The following LSAMP variants were observed in gnomAD, a reference collection of about 807,000 sequenced individuals.
LSAMP encodes limbic system associated membrane protein.
Under a neutral mutation model 38.6 loss-of-function variants are expected in LSAMP, and 7 were observed. The observed-to-expected ratio is 0.18, with a 90% CI of 0.10 to 0.34. LSAMP has a LOEUF of 0.34. Ranked by LOEUF, LSAMP falls within the 10% of genes least tolerant of loss-of-function variation. The pLI is 1.00. For synonymous variants in LSAMP, 154 were observed against 166.8 expected, an observed-to-expected ratio of 0.92 and a Z score of 0.59; for missense variants, 313 against 420.0, an observed-to-expected ratio of 0.75 and a Z score of 2.23.
chr3:115,938,524 C>T (rs561242134), intron 3 of LSAMP, among the ~76,000 whole-genome samples: 16 of 152,162 alleles, frequency 1.1e-4, no homozygotes, highest in African/African-American at 2.4e-4. Context: ...ACTATGTTTA[C>T]GACCTTATAA....
intron 2 of LSAMP, among the ~76,000 whole-genome samples, chr3:116,049,251 C>T (rs1385341289): frequency 1.3e-5 from 2 of 152,116 alleles, no homozygotes; most frequent in Non-Finnish European, 2.9e-5. Flanking sequence ...AGTTTTTGGC[C>T]ACATAAGTGG....
Position 116,106,127 on chromosome 3 carries a change from G to T in LSAMP, c.156-19571C>A, listed in dbSNP as rs571268662. Among the ~76,000 whole-genome samples the T allele has an allele frequency of 2.0e-5, 3 of 152,274 alleles. No individual in the cohort carries two copies. In the East Asian group the frequency reaches 5.8e-4, roughly 29 times the overall value. ...GTATAAAAGGTCTAAGAATTGGGAC[G>T]ACTCAGGATATCTGATTAGAGAGTG... On this transcript the variant is annotated intron_variant, in intron 1 of 6. Coordinates refer to ENST00000490035, the MANE Select transcript of LSAMP (RefSeq NM_002338.5).
chr3:116,094,831 G>A (rs1708191905), intron 1 of LSAMP, among the ~76,000 whole-genome samples: 2 of 152,174 alleles, frequency 1.3e-5, no homozygotes, highest in South Asian at 4.1e-4. Context: ...CTGAATCTTA[G>A]TTTCTTCTTA....
At chr3:115,979,193 G>C (rs571903814) in intron 3 of LSAMP, among the ~76,000 whole-genome samples, 205 of 151,874 alleles carry the variant, frequency 1.3e-3, no homozygotes, top group African/African-American at 4.9e-3. Flanking sequence ...AGCAAAGAGG[G>C]GAGAGAGGGA....
chr3:115,944,736 T>A (rs1938039301), intron 3 of LSAMP, among the ~76,000 whole-genome samples: 1 of 152,184 alleles, frequency 6.6e-6, no homozygotes, highest in Non-Finnish European at 1.5e-5. Flanking sequence ...AAGATCCTGT[T>A]CAAGGTCACA....
intron 1 of LSAMP, among the ~76,000 whole-genome samples, chr3:116,382,009 A>C (rs928623145): frequency 6.6e-6 from 1 of 152,170 alleles, no homozygotes; most frequent in African/African-American, 2.4e-5. Flanking sequence ...ACATAAAAAG[A>C]ACATATAGCT....
chr3:116,116,105 C>A (rs1387176112), intron 1 of LSAMP, among the ~76,000 whole-genome samples: 1 of 133,496 alleles, frequency 7.5e-6, no homozygotes, highest in Non-Finnish European at 1.6e-5. Context: ...TTTTTTTCTT[C>A]TATTTTCCTT....
intron 1 of LSAMP, among the ~76,000 whole-genome samples, chr3:116,422,613 G>T (rs2049142650): frequency 6.6e-6 from 1 of 151,948 alleles, no homozygotes; most frequent in East Asian, 1.9e-4. Context: ...ACTAAAGGTG[G>T]GCATGAAAAA....
intron 1 of LSAMP, among the ~76,000 whole-genome samples, chr3:116,262,073 T>C (rs1188085226): frequency 6.6e-6 from 1 of 152,050 alleles, no homozygotes; most frequent in South Asian, 2.1e-4. Context: ...AGCCCCTTCT[T>C]TACCATTTTG....
chr3:116,375,750 G>A (rs1350364302), intron 1 of LSAMP, among the ~76,000 whole-genome samples: 1 of 151,874 alleles, frequency 6.6e-6, no homozygotes, highest in Non-Finnish European at 1.5e-5. Flanking sequence ...AAAAGAAACT[G>A]AACATAATTG....
At chr3:115,958,173 G>T (rs1321012440) in intron 3 of LSAMP, among the ~76,000 whole-genome samples, 1 of 152,006 alleles carries the variant, frequency 6.6e-6, no homozygotes, top group Non-Finnish European at 1.5e-5. Context: ...TTGGTATAGG[G>T]GTTGCAAAGT....
At chr3:115,957,989 G>T (rs1039733929) in intron 3 of LSAMP, among the ~76,000 whole-genome samples, 2 of 152,024 alleles carry the variant, frequency 1.3e-5, no homozygotes, top group Non-Finnish European at 2.9e-5. Context: ...AATGAAAGGG[G>T]ATATAAAAAA....
rs559449399 is a variant in LSAMP, at chr3:116,425,302, A to C, written c.155+19575T>G. 3.0e-4 allele frequency among the ~76,000 whole-genome samples: 46 copies of C among 152,280 alleles called. 1 individual carries two copies. Among genetic ancestry groups the C allele is most frequent in the Admixed American group, 2.9e-3 (45 of 15,296 alleles). The stretch of plus-strand genomic sequence containing the variant: ...AATAGATCCTCTATTGTCAACCTTT[A>C]CCTTTGGCCATGTAACCATAGAATG... On this transcript the variant is annotated intron_variant, in intron 1 of 6. Transcript: ENST00000490035.
intron 3 of LSAMP, among the ~76,000 whole-genome samples, chr3:115,891,914 T>C (rs972868833): frequency 3.9e-5 from 6 of 151,954 alleles, no homozygotes; most frequent in African/African-American, 1.4e-4. Flanking sequence ...GATATGATTA[T>C]GATGTTCACA....
In LSAMP at chr3:115,807,210, C is replaced by G. The variant is rs1933649363; in HGVS notation, c.*3107G>C. The G allele has an allele frequency of 6.6e-6, 1 of 152,128 alleles. No homozygotes were observed. The highest frequency in any genetic ancestry group is 2.4e-5 in the African/African-American group (1 of 41,420). 9.4% of individuals were successfully genotyped at this position (152,128 alleles called of 1,614,324 possible). A position where few individuals can be genotyped will look rare whatever the true frequency, so the allele number is the denominator to read the frequency against. ...GATTCAATGATTTCTTGGTGTCAGT[C>G]CTCTGGCCCTACCTTTCCCTGACTT... On this transcript the variant is annotated 3_prime_UTR_variant, in exon 7 of 7. Coordinates refer to ENST00000490035, the MANE Select transcript of LSAMP (RefSeq NM_002338.5).
chr3:116,083,967 T>C (rs1321125535), intron 2 of LSAMP, among the ~76,000 whole-genome samples: 1 of 152,160 alleles, frequency 6.6e-6, no homozygotes, highest in Non-Finnish European at 1.5e-5. Flanking sequence ...GAGGATACCA[T>C]GCTTTCTTTA....
At chr3:116,029,959 G>A (rs1005281926) in intron 2 of LSAMP, among the ~76,000 whole-genome samples, 3 of 152,060 alleles carry the variant, frequency 2.0e-5, no homozygotes, top group African/African-American at 7.2e-5. Context: ...CCAGACAGTT[G>A]CTACCATCAA....
chr3:116,075,728 A>G (rs2107395822), intron 2 of LSAMP, among the ~76,000 whole-genome samples: 1 of 151,544 alleles, frequency 6.6e-6, no homozygotes, highest in South Asian at 2.1e-4. Flanking sequence ...TTTAGTAGAG[A>G]TGGGGTTTCA....
chr3:116,071,335 GT>G lies in LSAMP; in HGVS notation c.388+14988del, dbSNP rs1311919036. ...GGTTATCCTCTTAATAATCATGAGG[GT>G]TTTTTTTTTTTTAACAATTCTTCTT... On this transcript the variant is annotated intron_variant, in intron 2 of 6. Coordinates refer to ENST00000490035, the MANE Select transcript of LSAMP (RefSeq NM_002338.5). 1.5e-3 allele frequency among the ~76,000 whole-genome samples: 214 copies of G among 142,086 alleles called. 2 individuals are homozygous for G. Among genetic ancestry groups the G allele is most frequent in the Middle Eastern group, 7.2e-3 (2 of 276 alleles). The allele number at this position is 142,086 out of a possible 152,430, so 93.2% of individuals were successfully genotyped here. A position where few individuals can be genotyped will look rare whatever the true frequency, so the allele number is the denominator to read the frequency against.
Sources: allele counts gnomAD v4.1 joint callset (sites outside exome capture counted in the v4.1 genomes callset), GRCh38; gene constraint gnomAD v4.1.1; transcripts MANE v1.5; gene names NCBI Gene and HGNC (gene_info 2026-07-23, HGNC 2026-07-21).